TXNDC16: variants seen among roughly 807,000 people sequenced by gnomAD.
TXNDC16 encodes the protein thioredoxin domain-containing protein 16.
A neutral mutation model predicts 85.6 loss-of-function variants in TXNDC16; 74 were observed. The ratio of observed to expected loss-of-function variants is 0.86; its 90% confidence interval spans 0.72 to 1.05. The LOEUF (loss-of-function observed/expected upper bound fraction) is 1.05, where lower values mean the gene tolerates loss of function less well. TXNDC16 is among the 50% of genes least tolerant of loss of function. The pLI, the probability that TXNDC16 is intolerant of heterozygous loss-of-function variation, is 0.00. For synonymous variants in TXNDC16, 335 were observed against 326.5 expected (o/e 1.03, Z -0.28); for missense variants, 959 against 947.0 (o/e 1.01, Z -0.17).
chr14:52,449,617 G>C (rs572756015), intron 18 of TXNDC16, among the ~76,000 whole-genome samples: 5 of 152,072 alleles, frequency 3.3e-5, no homozygotes, highest in Non-Finnish European at 5.9e-5. Flanking sequence ...GATATTTACA[G>C]AACATCTCAT....
intron 9 of TXNDC16, among the ~76,000 whole-genome samples, chr14:52,498,122 T>C (rs1439464356): frequency 6.6e-6 from 1 of 151,990 alleles, no homozygotes; most frequent in African/African-American, 2.4e-5. Flanking sequence ...AAACTCACAA[T>C]AAACTAGGAA....
chr14:52,473,418 TCTTTC>T (rs1242234551), intron 14 of TXNDC16, among the ~76,000 whole-genome samples: 1 of 152,222 alleles, frequency 6.6e-6, no homozygotes, highest in Non-Finnish European at 1.5e-5. Flanking sequence ...CAGCTGCAGT[TCTTTC>T]CTTTCAATAA....
intron 5 of TXNDC16, among the ~76,000 whole-genome samples, chr14:52,537,027 A>T (rs750029783): frequency 6.6e-6 from 1 of 151,852 alleles, no homozygotes; most frequent in Non-Finnish European, 1.5e-5. Flanking sequence ...AGAAAAAAAT[A>T]GGAGTCCAAA....
chr14:52,533,887 C>T (rs1287061161), intron 6 of TXNDC16, among the ~76,000 whole-genome samples: 1 of 152,094 alleles, frequency 6.6e-6, no homozygotes, highest in East Asian at 1.9e-4. Flanking sequence ...GTAAGGAGGC[C>T]TCAAAATGGA....
chr14:52,530,286 A>G lies in TXNDC16; in HGVS notation c.392+6433T>C, dbSNP rs1279217874. The stretch of plus-strand genomic sequence containing the variant: ...AATATATATTATTATTTAATATATA[A>G]TTATTATATATAATATTAATATATA... On this transcript the variant is annotated intron_variant, in intron 6 of 20. Transcript: ENST00000281741. Among the ~76,000 whole-genome samples the G allele has an allele frequency of 7.5e-4, 37 of 49,506 alleles. 1 individual carries two copies. Among genetic ancestry groups the G allele is most frequent in the African/African-American group, 3.3e-3 (37 of 11,288 alleles). The allele number at this position is 49,506 out of a possible 152,430, so 32.5% of individuals were successfully genotyped here.
chr14:52,498,382 T>C (rs914710284), intron 9 of TXNDC16, among the ~76,000 whole-genome samples: 3 of 150,326 alleles, frequency 2.0e-5, no homozygotes, highest in Non-Finnish European at 3.0e-5. Flanking sequence ...TAATAGGATC[T>C]TATATGTGCA....
At chr14:52,507,026 C>T (rs998238158) in intron 9 of TXNDC16, among the ~76,000 whole-genome samples, 6 of 151,984 alleles carry the variant, frequency 3.9e-5, no homozygotes, top group African/African-American at 1.2e-4. Context: ...CCCTCTCTCA[C>T]CACTCTTATT....
rs1202369566 is a variant in TXNDC16 at position 52,440,604 on chromosome 14, GCTTTACC to G, written c.1956_1962del (p.Val653ArgfsTer12). On this transcript the variant is annotated frameshift_variant, in exon 19 of 21. Transcript: ENST00000281741. LOFTEE classifies it high-confidence loss of function. The stretch of plus-strand genomic sequence containing the variant: ...GGAGTAAATGAATCCAAGTATTTCT[GCTTTACC>G]AGTGTCAATATTGCTTTTTTATACT... 2 of 1,608,298 alleles carry G rather than the reference GCTTTACC, an allele frequency of 1.2e-6. No homozygotes were observed. The highest frequency in any genetic ancestry group is 1.7e-6 in the Non-Finnish European group (2 of 1,178,306).
chr14:52,529,788 TATATA>T (rs1427962952), intron 6 of TXNDC16, among the ~76,000 whole-genome samples: 1 of 117,078 alleles, frequency 8.5e-6, no homozygotes, highest in Non-Finnish European at 1.6e-5. Flanking sequence ...TAGTATATAT[TATATA>T]ATAATTATAT....
intron 10 of TXNDC16, 48 bp downstream of exon 10, chr14:52,490,791 A>G: frequency 6.4e-7 from 1 of 1,561,766 alleles, no homozygotes; most frequent in Non-Finnish European, 8.7e-7. Flanking sequence ...AAACGTGGAA[A>G]CTATTAGCGT....
chr14:52,455,372 A>C lies in TXNDC16; in HGVS notation c.1794T>G (p.His598Gln). 1 of 1,614,004 alleles carries C rather than the reference A, an allele frequency of 6.2e-7. No homozygotes were observed. Among genetic ancestry groups the C allele is most frequent in the South Asian group, 1.1e-5 (1 of 91,064 alleles). The change falls in exon 18 of 21, where the codon CAT becomes CAG. Residue 598 changes from histidine to glutamine, a missense_variant. Transcript: ENST00000281741. ...KIESIPLAST[H>Q]AQDIVQIITD... Reference sequence around the variant, plus strand: ...TTATTATTTGAACTATGTCTTGTGCATGTGTGCTAGCTAGTGGGATGCTCT... The same window carrying C: ...TTATTATTTGAACTATGTCTTGTGCCTGTGTGCTAGCTAGTGGGATGCTCT...
chr14:52,534,694 CT>C (rs1211865489), intron 6 of TXNDC16, among the ~76,000 whole-genome samples: 1 of 152,122 alleles, frequency 6.6e-6, no homozygotes, highest in African/African-American at 2.4e-5. Context: ...TCCATTAGCC[CT>C]TATGCATACA....
chr14:52,529,399 T>C (rs978629245), intron 6 of TXNDC16, among the ~76,000 whole-genome samples: 53 of 150,534 alleles, frequency 3.5e-4, no homozygotes, highest in Non-Finnish European at 4.6e-4. Flanking sequence ...GTGCAGCACA[T>C]CAACATGACA....
chr14:52,497,617 A>C (rs7158600), intron 9 of TXNDC16, among the ~76,000 whole-genome samples: 75,789 of 152,026 alleles, frequency 0.5, 19,603 homozygotes, highest in East Asian at 0.7. Context: ...CAGTGGCTCA[A>C]GCCTATAATC....
intron 9 of TXNDC16, among the ~76,000 whole-genome samples, chr14:52,496,904 C>A (rs77182981): frequency 1.3e-5 from 2 of 152,050 alleles, no homozygotes; most frequent in East Asian, 3.9e-4. Flanking sequence ...AACCACTGCA[C>A]GCACCCTAAT....
At chr14:52,531,350 C>G (rs1170361472) in intron 6 of TXNDC16, among the ~76,000 whole-genome samples, 2 of 152,096 alleles carry the variant, frequency 1.3e-5, no homozygotes, top group Non-Finnish European at 2.9e-5. Flanking sequence ...AACTTAGGAC[C>G]ACACAAAAAC....
intron 20 of TXNDC16, among the ~76,000 whole-genome samples, chr14:52,438,246 G>T (rs902127496): frequency 6.6e-6 from 1 of 152,176 alleles, no homozygotes; most frequent in Non-Finnish European, 1.5e-5. Flanking sequence ...TTCCAATTTT[G>T]AAAGAAGTTC....
At position 52,492,410 on chromosome 14, in the gene TXNDC16, T is replaced by G. The variant is rs147698284; in HGVS notation, c.757-1405A>C. 5.1e-3 allele frequency among the ~76,000 whole-genome samples: 773 copies of G among 152,296 alleles called. 3 individuals are homozygous for G. The highest frequency in any genetic ancestry group is 6.9e-3 in the Non-Finnish European group (472 of 68,028). ...CTCGGCCCTGCTCACCTCTTCAGTC[T>G]GCTTACTGCCTAAGAGACATAGACT... is the stretch of plus-strand genomic sequence containing the variant. On this transcript the variant is annotated intron_variant, in intron 9 of 20. Transcript: ENST00000281741.
chr14:52,514,926 A>G lies in TXNDC16; in HGVS notation c.559T>C (p.Tyr187His). 1 of 1,613,030 alleles carries G rather than the reference A, an allele frequency of 6.2e-7. No individual in the cohort carries two copies. The highest frequency in any genetic ancestry group is 1.7e-4 in the Middle Eastern group (1 of 6,052). Residue 187 changes from tyrosine to histidine, a missense_variant, in exon 8 of 21, where the codon TAC becomes CAC. Coordinates refer to ENST00000281741, the MANE Select transcript of TXNDC16 (RefSeq NM_020784.3). ...ATTTCTGTGGTTAAGACAAATTGGT[A>G]TGTAGTCCCATACACAAAAGCGGCT... is the stretch of plus-strand genomic sequence containing the variant. ...MEAAFVYGTT[Y>H]QFVLTTEIAL...
Sources: allele counts gnomAD v4.1 joint callset (sites outside exome capture counted in the v4.1 genomes callset), GRCh38; gene constraint gnomAD v4.1.1; transcripts MANE v1.5; gene names NCBI Gene and HGNC (gene_info 2026-07-23, HGNC 2026-07-21).